Variants in RBFOX3 observed in about 807,000 individuals in gnomAD.
The protein encoded by RBFOX3 is RNA binding fox-1 homolog 3.
A neutral mutation model predicts 48.7 loss-of-function variants in RBFOX3; 17 were observed. The observed-to-expected ratio is 0.35, with a 90% confidence interval of 0.24 to 0.52. The LOEUF (loss-of-function observed/expected upper bound fraction) is 0.52. Among genes scored for constraint, RBFOX3 ranks in the 20% least tolerant of loss-of-function variants. RBFOX3 has a pLI of 0.94. For missense variants in RBFOX3, 382 were observed against 497.5 expected (o/e 0.77, Z 2.21); for synonymous variants, 212 against 209.5 (o/e 1.01, Z -0.10).
At chr17:79,339,842 G>A (rs1431024472) in intron 2 of RBFOX3, among the ~76,000 whole-genome samples, 1 of 152,190 alleles carries the variant, frequency 6.6e-6, no homozygotes, top group Admixed American at 6.5e-5. Flanking sequence ...GATTGAACAG[G>A]TGTGCAGTTC....
At chr17:79,394,149 C>A (rs891962792) in intron 2 of RBFOX3, among the ~76,000 whole-genome samples, 1 of 152,162 alleles carries the variant, frequency 6.6e-6, no homozygotes, top group Non-Finnish European at 1.5e-5. Context: ...TTGGTCCCCG[C>A]GCACATCATC....
intron 1 of RBFOX3, among the ~76,000 whole-genome samples, chr17:79,488,358 C>A (rs910182124): frequency 4.9e-5 from 1 of 20,218 alleles, no homozygotes; most frequent in East Asian, 1.5e-3. Flanking sequence ...TTCACTACCC[C>A]CTCCCCGGGG....
chr17:79,641,974 T>C, the RBFOX3 span, among the ~76,000 whole-genome samples: 4 of 152,198 alleles, frequency 2.6e-5, no homozygotes, highest in African/African-American at 9.7e-5. Flanking sequence ...GATGCCACCA[T>C]GCTTCCTGTA....
At chr17:79,259,554 C>G (rs1343854723) in intron 3 of RBFOX3, among the ~76,000 whole-genome samples, 1 of 152,178 alleles carries the variant, frequency 6.6e-6, no homozygotes, top group Non-Finnish European at 1.5e-5. Flanking sequence ...AGGGAGCAGG[C>G]AGGACTCTGG....
intron 2 of RBFOX3, among the ~76,000 whole-genome samples, chr17:79,397,407 C>T (rs944961266): frequency 6.6e-6 from 1 of 151,412 alleles, no homozygotes; most frequent in African/African-American, 2.4e-5. Context: ...GCAGGAGAAT[C>T]ACTTGAACCC....
chr17:79,230,408 C>T (rs1016171683), intron 4 of RBFOX3, among the ~76,000 whole-genome samples: 16 of 152,074 alleles, frequency 1.1e-4, no homozygotes, highest in Admixed American at 2.6e-4. Flanking sequence ...TACAGTCACC[C>T]GCCACCATAC....
intron 3 of RBFOX3, among the ~76,000 whole-genome samples, chr17:79,275,648 T>G (rs1239214962): frequency 6.6e-6 from 1 of 152,204 alleles, no homozygotes; most frequent in African/African-American, 2.4e-5. Flanking sequence ...TGCCTGGCTC[T>G]CTGCCAGATG....
At position 79,104,024 on chromosome 17, in the gene RBFOX3, C is replaced by T. The variant is rs757439369; in HGVS notation, c.414+49G>A. ...ACGCACATTTCACACGTTAGCCTGG[C>T]GGGACCTACAGCCGGCGCTGTAAGG... On this transcript the variant is annotated intron_variant, in intron 7 of 14. Coordinates refer to ENST00000693108, the MANE Select transcript of RBFOX3 (RefSeq NM_001350451.2). The T allele has an allele frequency of 3.8e-5, 56 of 1,484,382 alleles. No homozygotes were observed. The Middle Eastern group carries it at 5.2e-4, about 14-fold the overall frequency. 92.0% of individuals were successfully genotyped at this position (1,484,382 alleles called of 1,614,324 possible).
intron 2 of RBFOX3, among the ~76,000 whole-genome samples, chr17:79,347,062 C>T (rs1017112171): frequency 1.3e-5 from 2 of 152,220 alleles, no homozygotes; most frequent in Non-Finnish European, 2.9e-5. Flanking sequence ...CTTTGTTGCA[C>T]TGCATAGGAG....
chr17:79,192,469 C>T (rs2054709234), intron 4 of RBFOX3, among the ~76,000 whole-genome samples: 1 of 152,244 alleles, frequency 6.6e-6, no homozygotes, highest in Non-Finnish European at 1.5e-5. Flanking sequence ...AAGGAGCCAG[C>T]CCCGCAATAG....
At chr17:79,306,845 G>A (rs955246652) in intron 3 of RBFOX3, among the ~76,000 whole-genome samples, 1 of 152,104 alleles carries the variant, frequency 6.6e-6, no homozygotes, top group African/African-American at 2.4e-5. Flanking sequence ...AGACCCGCCA[G>A]CCTGGGCGTT....
In RBFOX3 at chr17:79,502,556, A is replaced by G. The variant is rs1177500086; in HGVS notation, c.-319-19958T>C. Among the ~76,000 whole-genome samples the G allele has an allele frequency of 2.6e-5, 4 of 152,384 alleles. No homozygotes were observed. In the East Asian group the frequency reaches 5.8e-4, roughly 22 times the overall value. ...ACAGTAAAAAATGTAATGTTTCACCATGATACAACTGTGCAGTGATGTGAT... is the reference window on the plus strand; with the variant it reads ...ACAGTAAAAAATGTAATGTTTCACCGTGATACAACTGTGCAGTGATGTGAT... On this transcript the variant is annotated intron_variant, in intron 1 of 14. Coordinates refer to ENST00000693108, the MANE Select transcript of RBFOX3 (RefSeq NM_001350451.2).
At chr17:79,138,538 A>C (rs544078300) in intron 4 of RBFOX3, among the ~76,000 whole-genome samples, 1 of 152,086 alleles carries the variant, frequency 6.6e-6, no homozygotes, top group Non-Finnish European at 1.5e-5. Flanking sequence ...TACACTGTGC[A>C]TGCTCACTCC....
intron 3 of RBFOX3, among the ~76,000 whole-genome samples, chr17:79,287,388 C>T (rs142848113): frequency 6.6e-4 from 101 of 152,210 alleles, no homozygotes; most frequent in Non-Finnish European, 1.2e-3. Flanking sequence ...TCAATGGATT[C>T]GTTTTTCCTC....
At chr17:79,588,343 G>A (rs1050810303) in intron 1 of RBFOX3, among the ~76,000 whole-genome samples, 3 of 152,154 alleles carry the variant, frequency 2.0e-5, no homozygotes, top group African/African-American at 7.2e-5. Flanking sequence ...GACTCTGGGT[G>A]CAAGGAGACA....
At position 79,419,414 on chromosome 17, in the gene RBFOX3, G is replaced by T. The variant is rs145462919; in HGVS notation, c.-175+63040C>A. Reference sequence around the variant, plus strand: ...CCTACGTCTTGGCAGGGTTCTTGCAGATGCAGGAGGTCAAACAGGAGCTTC... The same window carrying T: ...CCTACGTCTTGGCAGGGTTCTTGCATATGCAGGAGGTCAAACAGGAGCTTC... On this transcript the variant is annotated intron_variant, in intron 2 of 14. Coordinates refer to ENST00000693108, the MANE Select transcript of RBFOX3 (RefSeq NM_001350451.2). 4.1e-3 allele frequency among the ~76,000 whole-genome samples: 623 copies of T among 152,332 alleles called. 1 individual carries two copies. The highest frequency in any genetic ancestry group is 6.9e-3 in the Admixed American group (106 of 15,308).
chr17:79,620,272 CAT>C, the RBFOX3 span, among the ~76,000 whole-genome samples: 4 of 150,910 alleles, frequency 2.7e-5, no homozygotes, highest in Non-Finnish European at 5.9e-5. Flanking sequence ...CACGTGCACA[CAT>C]ACGCATATGC....
intron 2 of RBFOX3, among the ~76,000 whole-genome samples, chr17:79,352,566 C>T (rs1254506560): frequency 6.6e-6 from 1 of 152,220 alleles, no homozygotes; most frequent in African/African-American, 2.4e-5. Flanking sequence ...TGGCCAGGCA[C>T]CGCTGTCTCA....
Position 79,212,099 on chromosome 17 carries a change from C to A in RBFOX3, c.-34+23667G>T, listed in dbSNP as rs16972153. On this transcript the variant is annotated intron_variant, in intron 4 of 14. Coordinates refer to ENST00000693108, the MANE Select transcript of RBFOX3 (RefSeq NM_001350451.2). This position sits in a 1 kb window ranked among gnomAD's most constrained non-coding sequence, Gnocchi z 4.7. ...CCGCTGCATTGGGGAAATTGACCAG[C>A]GCCCAAAGACGGGCCCACCTGGGCA... 2.6e-5 allele frequency among the ~76,000 whole-genome samples: 4 copies of A among 152,224 alleles called. No individual in the cohort carries two copies. Among genetic ancestry groups the A allele is most frequent in the Non-Finnish European group, 5.9e-5 (4 of 68,034 alleles).
Sources: allele counts gnomAD v4.1 joint callset (sites outside exome capture counted in the v4.1 genomes callset), GRCh38; gene constraint gnomAD v4.1.1; non-coding constraint Gnocchi (gnomAD v3.1); transcripts MANE v1.5; gene names NCBI Gene and HGNC (gene_info 2026-07-23, HGNC 2026-07-21).